HPS1: variants seen among roughly 807,000 people sequenced by gnomAD.
HPS1 encodes BLOC-3 complex member HPS1.
In HPS1, 59 loss-of-function variants were observed where a neutral mutation model predicts 90.6. That is an observed-to-expected ratio of 0.65 (90% confidence interval 0.53 to 0.81). The LOEUF (loss-of-function observed/expected upper bound fraction) is 0.81, where lower values mean the gene tolerates loss of function less well. Ranked by LOEUF, HPS1 falls within the 30% of genes least tolerant of loss-of-function variation. HPS1 has a pLI of 0.00. For synonymous variants in HPS1, 388 were observed against 384.4 expected (o/e 1.01, Z -0.11); for missense variants, 849 against 896.7 (o/e 0.95, Z 0.68).
chr10:98,443,033 G>T, intron 3 of HPS1, 91 bp downstream of exon 3: 1 of 917,324 alleles, frequency 1.1e-6, no homozygotes, highest in South Asian at 1.3e-5. Flanking sequence ...AGGACAGGGT[G>T]AACACAGGTT....
intron 6 of HPS1, among the ~76,000 whole-genome samples, chr10:98,432,740 A>G (rs1348494416): frequency 6.6e-6 from 1 of 152,234 alleles, no homozygotes; most frequent in Admixed American, 6.5e-5. Context: ...GTTCCAATGT[A>G]TCAAGTGCCT....
At chr10:98,433,284 G>A (rs1014614291) in intron 6 of HPS1, among the ~76,000 whole-genome samples, 24 of 149,988 alleles carry the variant, frequency 1.6e-4, no homozygotes, top group Admixed American at 4.0e-4. Flanking sequence ...TCCCAGACTC[G>A]CTAAATGAGA....
At chr10:98,431,032 G>T in intron 7 of HPS1, 99 bp downstream of exon 7, 1 of 1,269,408 alleles carries the variant, frequency 7.9e-7, no homozygotes, top group Non-Finnish European at 1.1e-6. Flanking sequence ...TGGAGGAGGT[G>T]ATTCTTGGCT....
Position 98,419,927 on chromosome 10 carries a change from C to G in HPS1, c.1857+118G>C. The G allele has an allele frequency of 3.7e-6, 3 of 813,490 alleles. No homozygotes were observed. The Admixed American group carries it at 5.2e-5, about 14-fold the overall frequency. 50.4% of individuals were successfully genotyped at this position (813,490 alleles called of 1,614,324 possible). On this transcript the variant is annotated intron_variant, in intron 18 of 19. Transcript: ENST00000361490. ...CTGGCTCCCAACCTGCTGGGCTTAC[C>G]AGCAACAAGAAGAGAAGATGAGACA...
chr10:98,417,819 A>G lies in HPS1; in HGVS notation c.1941-93T>C. On this transcript the variant is annotated intron_variant, in intron 19 of 19. Coordinates refer to ENST00000361490, the MANE Select transcript of HPS1 (RefSeq NM_000195.5). This position sits in a 1 kb window ranked among gnomAD's most constrained non-coding sequence, Gnocchi z 4.2. ...TCTGGGCCCTCGCAAGCAAATGCCCATGCCCTCGGTCATCTCACTAGGCCC... is the reference window on the plus strand; with the variant it reads ...TCTGGGCCCTCGCAAGCAAATGCCCGTGCCCTCGGTCATCTCACTAGGCCC... The G allele has an allele frequency of 8.2e-7, 1 of 1,225,458 alleles. No homozygotes were observed. Among genetic ancestry groups the G allele is most frequent in the Non-Finnish European group, 1.2e-6 (1 of 841,046 alleles). The allele number at this position is 1,225,458 out of a possible 1,614,324, so 75.9% of individuals were successfully genotyped here.
chr10:98,440,730 A>C (rs1021266092), intron 3 of HPS1, among the ~76,000 whole-genome samples: 1 of 151,842 alleles, frequency 6.6e-6, no homozygotes, highest in Non-Finnish European at 1.5e-5. Flanking sequence ...ACATTAACAA[A>C]AAAAAAAAAC....
intron 3 of HPS1, among the ~76,000 whole-genome samples, chr10:98,442,117 T>C (rs1417106744): frequency 2.0e-5 from 3 of 152,216 alleles, no homozygotes; most frequent in African/African-American, 4.8e-5. Flanking sequence ...GGTGGCATCC[T>C]GATACAATAG....
intron 10 of HPS1, chr10:98,429,364 G>T (rs1846045148): frequency 6.6e-7 from 1 of 1,506,538 alleles, no homozygotes; most frequent in African/African-American, 1.4e-5. Flanking sequence ...TTAGGGATCA[G>T]TGGAGTGGTC....
downstream of HPS1, among the ~76,000 whole-genome samples, chr10:98,415,570 G>A (rs1013383532): frequency 1.3e-5 from 2 of 152,228 alleles, no homozygotes; most frequent in Non-Finnish European, 1.5e-5. Context: ...GAACTGAAAC[G>A]CCTGGGATGG....
downstream of HPS1, among the ~76,000 whole-genome samples, chr10:98,415,598 C>T (rs1274403663): frequency 1.3e-5 from 2 of 152,238 alleles, no homozygotes; most frequent in African/African-American, 4.8e-5. Context: ...TCGTGTCAGA[C>T]TCTGCTCCAA....
chr10:98,419,165 C>T (rs1002539624), intron 18 of HPS1, among the ~76,000 whole-genome samples: 4 of 151,760 alleles, frequency 2.6e-5, no homozygotes, highest in Non-Finnish European at 5.9e-5. Context: ...CCCCAGTAAC[C>T]GCCCTGCCCT....
At chr10:98,414,174 A>G (rs1843886727), downstream of HPS1, 1 of 152,138 alleles carries the variant, frequency 6.6e-6, no homozygotes, top group South Asian at 2.1e-4. Context: ...CCAGCTCGCA[A>G]CTGCTCTAGT....
Position 98,425,428 on chromosome 10 carries a change from G to C in HPS1, c.1335+113C>G. The C allele has an allele frequency of 4.9e-6, 5 of 1,013,414 alleles. No individual in the cohort carries two copies. In the South Asian group the frequency reaches 6.9e-5, roughly 14 times the overall value. 62.8% of individuals were successfully genotyped at this position (1,013,414 alleles called of 1,614,324 possible). On this transcript the variant is annotated intron_variant, in intron 13 of 19. Transcript: ENST00000361490. ...AAGGATCGTAGGCCCGGGGGAGGTG[G>C]AGCCCGGACAGGAACCCAGGCCCAT...
chr10:98,417,451 C>A lies in HPS1; in HGVS notation c.*113G>T. ...AAGCCCTGGGGCCACCCTGGGCACTCTGCCCTATCCTCAGGATGGCCACTG... is the reference window on the plus strand; with the variant it reads ...AAGCCCTGGGGCCACCCTGGGCACTATGCCCTATCCTCAGGATGGCCACTG... On this transcript the variant is annotated 3_prime_UTR_variant, in exon 20 of 20. Transcript: ENST00000361490. This position sits in a 1 kb window ranked among gnomAD's most constrained non-coding sequence, Gnocchi z 4.2. 1.0e-6 allele frequency: 1 copy of A among 963,044 alleles called. No individual in the cohort carries two copies. The highest frequency in any genetic ancestry group is 2.6e-5 in the East Asian group (1 of 38,258). 59.7% of individuals were successfully genotyped at this position (963,044 alleles called of 1,614,324 possible).
intron 11 of HPS1, 170 bp downstream of exon 11, chr10:98,427,045 G>C (rs537781077): frequency 6.1e-4 from 357 of 586,880 alleles, no homozygotes; most frequent in Non-Finnish European, 8.9e-4. Context: ...CCCTGCCTCT[G>C]GGCTGAGCTC....
chr10:98,437,784 T>G (rs959310430), intron 3 of HPS1, among the ~76,000 whole-genome samples: 1 of 152,076 alleles, frequency 6.6e-6, no homozygotes, highest in Non-Finnish European at 1.5e-5. Flanking sequence ...GGAATAGAAC[T>G]TTTTTTTGGT....
At chr10:98,414,943 A>G (rs2136061784), downstream of HPS1, 3 of 1,546,144 alleles carry the variant, frequency 1.9e-6, no homozygotes, top group Non-Finnish European at 2.6e-6. Context: ...CCCCCTCCCC[A>G]CCAAGCTCTG....
intron 3 of HPS1, chr10:98,442,919 G>A: frequency 4.8e-6 from 3 of 624,156 alleles, no homozygotes; most frequent in Non-Finnish European, 8.8e-6. Flanking sequence ...GTGGGGTGTG[G>A]GGGTGGGGTC....
intron 13 of HPS1, 133 bp from the exon 14 acceptor site, chr10:98,424,507 G>A (rs1845339394): frequency 2.6e-6 from 2 of 769,604 alleles, no homozygotes; most frequent in East Asian, 2.7e-5. Context: ...GCCAATGCAG[G>A]CTACCCTGGC....
Sources: gnomAD v4.1 joint callset for allele counts (sites outside exome capture counted in the v4.1 genomes callset) on GRCh38, gnomAD v4.1.1 for gene constraint, Gnocchi (gnomAD v3.1) non-coding constraint, MANE v1.5 for transcripts, NCBI Gene and HGNC (gene_info 2026-07-23, HGNC 2026-07-21) for gene names.